JAK2: variants seen among roughly 807,000 people sequenced by gnomAD.
The protein encoded by JAK2 is Janus kinase 2.
In JAK2, 86 loss-of-function variants were observed where a neutral mutation model predicts 139.3. The ratio of observed to expected loss-of-function variants is 0.62; its 90% CI spans 0.52 to 0.74. The LOEUF is 0.74. Ranked by LOEUF, JAK2 falls within the 30% of genes least tolerant of loss-of-function variation. JAK2 has a pLI of 0.00. For synonymous variants in JAK2, 490 were observed against 437.7 expected, an observed-to-expected ratio of 1.12 and a Z score of -1.49; for missense variants, 1,421 against 1,360.3, an observed-to-expected ratio of 1.04 and a Z score of -0.70.
rs139130961 is a variant in JAK2, at chr9:4,995,769, C to T, written c.-26+9747C>T. ...GAAGCAGATCTTTTTGCCAATTATTCATTTTAGTTATTCTATTTAATTCTC... is the reference window on the plus strand; with the variant it reads ...GAAGCAGATCTTTTTGCCAATTATTTATTTTAGTTATTCTATTTAATTCTC... On this transcript the variant is annotated intron_variant, in intron 2 of 24. Coordinates refer to ENST00000381652, the MANE Select transcript of JAK2 (RefSeq NM_004972.4). Among the ~76,000 whole-genome samples the T allele has an allele frequency of 2.2e-3, 336 of 152,216 alleles. 2 individuals are homozygous for T. The highest frequency in any genetic ancestry group is 7.5e-3 in the African/African-American group (311 of 41,546).
chr9:5,050,608 T>A, intron 5 of JAK2, 78 bp from the exon 6 acceptor site: 3 of 1,403,930 alleles, frequency 2.1e-6, no homozygotes, highest in Non-Finnish European at 3.0e-6. Context: ...CTGAAAATTA[T>A]GATTAAAATA....
intron 2 of JAK2, among the ~76,000 whole-genome samples, chr9:5,002,881 G>A (rs1202549318): frequency 6.6e-6 from 1 of 151,886 alleles, no homozygotes; most frequent in African/African-American, 2.4e-5. Flanking sequence ...ACATTGGTCT[G>A]TTTTCCATCT....
intron 2 of JAK2, among the ~76,000 whole-genome samples, chr9:4,997,961 T>C (rs1820679200): frequency 6.6e-6 from 1 of 152,200 alleles, no homozygotes; most frequent in East Asian, 1.9e-4. Flanking sequence ...TTTAAATAAT[T>C]ATTTCAGAGG....
At chr9:5,085,797 G>A in intron 19 of JAK2, 2 of 755,626 alleles carry the variant, frequency 2.6e-6, no homozygotes, top group Non-Finnish European at 5.0e-6. Context: ...ACATGCTCGG[G>A]CCATTAGTAC....
chr9:4,991,138 C>T (rs757811484), intron 2 of JAK2, among the ~76,000 whole-genome samples: 7 of 151,974 alleles, frequency 4.6e-5, no homozygotes, highest in African/African-American at 1.5e-4. Context: ...AATTCTTGGT[C>T]GATAACTTAT....
rs976820825 is a variant in JAK2, at chr9:5,080,468, T to A, written c.2284-65T>A. The A allele has an allele frequency of 3.9e-6, 6 of 1,539,812 alleles. No individual in the cohort carries two copies. The African/African-American group carries it at 5.6e-5, about 14-fold the overall frequency. On this transcript the variant is annotated intron_variant, in intron 17 of 24. Transcript: ENST00000381652. ...GATTTGTATTTTTTAGCCCATCTAA[T>A]TTTAAAAAGAAGGTTGGTGTGGCAT...
At chr9:5,124,337 GT>G (rs1823838254) in intron 23 of JAK2, among the ~76,000 whole-genome samples, 1 of 151,062 alleles carries the variant, frequency 6.6e-6, no homozygotes, top group Non-Finnish European at 1.5e-5. Context: ...TATTTTTCTA[GT>G]TTCAGATCTT....
chr9:5,096,937 A>T (rs16922611), intron 22 of JAK2: 1 of 152,056 alleles, frequency 6.6e-6, no homozygotes, highest in Non-Finnish European at 1.5e-5. Flanking sequence ...GCTGCCCCTG[A>T]TATGGCATTT....
In JAK2 at chr9:5,119,071, T is replaced by C. The variant is rs145947090; in HGVS notation, c.3060-3933T>C. On this transcript the variant is annotated intron_variant, in intron 22 of 24. Transcript: ENST00000381652. ...AATACATTATTATTAACATATTTTATCATGTTTTAAATATATGATTTAAAC... is the reference window on the plus strand; with the variant it reads ...AATACATTATTATTAACATATTTTACCATGTTTTAAATATATGATTTAAAC... Among the ~76,000 whole-genome samples, 224 of 152,276 alleles carry C rather than the reference T, an allele frequency of 1.5e-3. 5 individuals are homozygous for C. In the South Asian group the frequency reaches 0.025, roughly 17 times the overall value.
intron 12 of JAK2, among the ~76,000 whole-genome samples, chr9:5,071,548 T>A (rs929099385): frequency 3.9e-5 from 6 of 152,146 alleles, no homozygotes; most frequent in Non-Finnish European, 5.9e-5. Flanking sequence ...GGATGAAAAG[T>A]AAATTACTTA....
intron 3 of JAK2, among the ~76,000 whole-genome samples, chr9:5,024,718 A>G (rs899442163): frequency 3.8e-4 from 58 of 152,254 alleles, no homozygotes; most frequent in Non-Finnish European, 7.1e-4. Context: ...TTCATTTGCA[A>G]TGTTTTCAAT....
intron 4 of JAK2, chr9:5,042,039 C>T (rs952258450): frequency 6.4e-6 from 2 of 310,392 alleles, no homozygotes; most frequent in Non-Finnish European, 1.2e-5. Context: ...GGCTGGAAGC[C>T]AGGACACAGA....
intron 2 of JAK2, among the ~76,000 whole-genome samples, chr9:4,994,962 ATAAC>A (rs1333460807): frequency 6.6e-6 from 1 of 151,728 alleles, no homozygotes; most frequent in African/African-American, 2.4e-5. Context: ...GTGTGTGACT[ATAAC>A]TAAAGATTAA....
At chr9:5,124,980 CTT>C (rs1423081749) in intron 23 of JAK2, among the ~76,000 whole-genome samples, 1 of 151,284 alleles carries the variant, frequency 6.6e-6, no homozygotes, top group Non-Finnish European at 1.5e-5. Flanking sequence ...AGTACAGTCT[CTT>C]AATATTACTT....
intron 3 of JAK2, among the ~76,000 whole-genome samples, chr9:5,027,230 G>C (rs555342792): frequency 6.6e-6 from 1 of 152,162 alleles, no homozygotes; most frequent in African/African-American, 2.4e-5. Flanking sequence ...TTGTGGGTTT[G>C]GTTCCAGACT....
At chr9:5,126,587 T>C in intron 24 of JAK2, 97 bp from the exon 25 acceptor site, 1 of 947,380 alleles carries the variant, frequency 1.1e-6, no homozygotes, top group Non-Finnish European at 1.6e-6. Flanking sequence ...CAAGGCATGG[T>C]TATGACATGT....
intron 3 of JAK2, among the ~76,000 whole-genome samples, chr9:5,028,298 G>A (rs1026306810): frequency 7.9e-5 from 12 of 152,184 alleles, no homozygotes; most frequent in African/African-American, 2.2e-4. Context: ...ACTTGGACAG[G>A]AATCTTTTTT....
intron 2 of JAK2, among the ~76,000 whole-genome samples, chr9:5,015,916 A>T (rs1442280736): frequency 1.3e-5 from 2 of 152,214 alleles, no homozygotes; most frequent in Admixed American, 1.3e-4. Context: ...AATATCCTGA[A>T]TAAAAATAGA....
chr9:4,988,144 T>C (rs1820067587), intron 2 of JAK2, among the ~76,000 whole-genome samples: 1 of 152,178 alleles, frequency 6.6e-6, no homozygotes, highest in South Asian at 2.1e-4. Context: ...TCTTCTCCCA[T>C]TACATTTCCC....
Sources: allele counts gnomAD v4.1 joint callset (sites outside exome capture counted in the v4.1 genomes callset), GRCh38; gene constraint gnomAD v4.1.1; transcripts MANE v1.5; gene names NCBI Gene and HGNC (gene_info 2026-07-23, HGNC 2026-07-21).